KPNA1: variants seen among roughly 807,000 people sequenced by gnomAD.
KPNA1 encodes the protein karyopherin subunit alpha 1.
KPNA1 carries 10 observed loss-of-function variants against 70.5 expected under a neutral mutation model. The ratio of observed to expected loss-of-function variants is 0.14; its 90% confidence interval spans 0.09 to 0.24. The LOEUF is 0.24. Ranked by LOEUF, KPNA1 falls within the 10% of genes least tolerant of loss-of-function variation. The probability of loss-of-function intolerance (pLI) is 1.00; values close to 1 mark genes in which losing one functional copy is unlikely to be tolerated. For synonymous variants in KPNA1, 192 were observed against 221.9 expected (o/e 0.87, Z 1.20); for missense variants, 397 against 637.9 (o/e 0.62, Z 4.07).
intron 1 of KPNA1, among the ~76,000 whole-genome samples, chr3:122,508,894 T>C (rs1287085661): frequency 1.3e-5 from 2 of 152,060 alleles, no homozygotes; most frequent in Non-Finnish European, 2.9e-5. Flanking sequence ...TTTAAAACTA[T>C]CATTAATATC....
intron 2 of KPNA1, among the ~76,000 whole-genome samples, chr3:122,481,748 T>G (rs2076573792): frequency 6.6e-6 from 1 of 152,262 alleles, no homozygotes; most frequent in South Asian, 2.1e-4. Context: ...GACTGTATTG[T>G]AATGTCAGAC....
intron 3 of KPNA1, 196 bp from the exon 4 acceptor site, chr3:122,464,237 T>C (rs1343427562): frequency 9.7e-5 from 38 of 392,478 alleles, no homozygotes; most frequent in Non-Finnish European, 5.4e-5. Flanking sequence ...TTGTCTATCA[T>C]TAAAAAGCTC....
At chr3:122,448,040 T>G (rs1416563806) in intron 9 of KPNA1, among the ~76,000 whole-genome samples, 1 of 152,018 alleles carries the variant, frequency 6.6e-6, no homozygotes, top group Non-Finnish European at 1.5e-5. Context: ...ATCAGAGAAA[T>G]GCAAATCAAA....
intron 2 of KPNA1, among the ~76,000 whole-genome samples, chr3:122,487,324 G>A (rs1481872513): frequency 7.2e-5 from 11 of 152,068 alleles, no homozygotes; most frequent in Non-Finnish European, 1.5e-4. Flanking sequence ...AAAATAAAAC[G>A]TGTACCCACT....
chr3:122,473,752 T>C (rs921348588), intron 2 of KPNA1, among the ~76,000 whole-genome samples: 18 of 152,274 alleles, frequency 1.2e-4, no homozygotes, highest in African/African-American at 4.3e-4. Context: ...AACATCATAC[T>C]TAAATGGTAT....
At chr3:122,450,595 A>G (rs975104666) in intron 8 of KPNA1, among the ~76,000 whole-genome samples, 2 of 152,158 alleles carry the variant, frequency 1.3e-5, no homozygotes, top group African/African-American at 4.8e-5. Flanking sequence ...AAAACCAAAA[A>G]ACAAAAAATA....
At chr3:122,502,658 T>G (rs2076841961) in intron 1 of KPNA1, among the ~76,000 whole-genome samples, 1 of 152,104 alleles carries the variant, frequency 6.6e-6, no homozygotes, top group African/African-American at 2.4e-5. Flanking sequence ...GACTAAAAGG[T>G]GGGTGTAATA....
At chr3:122,509,996 A>G (rs1409253435) in intron 1 of KPNA1, among the ~76,000 whole-genome samples, 1 of 152,208 alleles carries the variant, frequency 6.6e-6, no homozygotes. Flanking sequence ...GGAAGATCAC[A>G]TACAAACAAA....
At chr3:122,510,850 T>C (rs1576355356) in intron 1 of KPNA1, among the ~76,000 whole-genome samples, 1 of 152,220 alleles carries the variant, frequency 6.6e-6, no homozygotes, top group East Asian at 1.9e-4. Context: ...TCCAAAATTT[T>C]ATTTTTTTAA....
intron 1 of KPNA1, among the ~76,000 whole-genome samples, chr3:122,496,860 T>C: frequency 6.6e-6 from 1 of 152,186 alleles, no homozygotes; most frequent in Non-Finnish European, 1.5e-5. Flanking sequence ...CATGCCACCA[T>C]GCCCAGAGAA....
chr3:122,490,487 A>G (rs1311346994), intron 2 of KPNA1, among the ~76,000 whole-genome samples: 1 of 152,254 alleles, frequency 6.6e-6, no homozygotes, highest in African/African-American at 2.4e-5. Context: ...TTTGGCCAGA[A>G]GCAGAAGTCT....
intron 2 of KPNA1, among the ~76,000 whole-genome samples, chr3:122,476,068 A>G (rs868189172): frequency 1.3e-5 from 2 of 152,226 alleles, no homozygotes; most frequent in Non-Finnish European, 2.9e-5. Flanking sequence ...TCAAAACAGC[A>G]AGGTCTTGGC....
rs894620110 is a variant in KPNA1 at position 122,461,137 on chromosome 3, G to T, written c.432+87C>A. The stretch of plus-strand genomic sequence containing the variant: ...ATAAACAAACTTAATTCTTCATACA[G>T]ATAAAAATTAGTAACAAATTTGTGT... On this transcript the variant is annotated intron_variant, in intron 5 of 13. Transcript: ENST00000344337. 7.7e-6 allele frequency: 6 copies of T among 780,956 alleles called. No homozygotes were observed. The African/African-American group carries it at 8.9e-5, about 12-fold the overall frequency. The allele number at this position is 780,956 out of a possible 1,614,324, so 48.4% of individuals were successfully genotyped here. A position where few individuals can be genotyped will look rare whatever the true frequency, so the allele number is the denominator to read the frequency against.
intron 10 of KPNA1, 119 bp downstream of exon 10, chr3:122,441,919 G>T: frequency 1.2e-6 from 1 of 836,176 alleles, no homozygotes; most frequent in African/African-American, 1.7e-5. Context: ...TTAAACATTA[G>T]TGTAACAGAG....
At chr3:122,431,065 TCA>T in intron 12 of KPNA1, among the ~76,000 whole-genome samples, 1 of 152,364 alleles carries the variant, frequency 6.6e-6, no homozygotes, top group East Asian at 1.9e-4. Context: ...TTCTCTAATT[TCA>T]GTTAATAATC....
At chr3:122,458,757 A>C (rs1353125114) in intron 5 of KPNA1, among the ~76,000 whole-genome samples, 1 of 152,294 alleles carries the variant, frequency 6.6e-6, no homozygotes, top group East Asian at 1.9e-4. Flanking sequence ...AGCATGTCTA[A>C]TTATTTGAAA....
At chr3:122,504,277 C>T (rs1023484478) in intron 1 of KPNA1, among the ~76,000 whole-genome samples, 3 of 151,600 alleles carry the variant, frequency 2.0e-5, no homozygotes, top group Middle Eastern at 3.2e-3. Context: ...TGGTGAGGAC[C>T]CACCTCCTGG....
At position 122,451,604 on chromosome 3, in the gene KPNA1, A is replaced by G. The variant is rs1461152078; in HGVS notation, c.683T>C (p.Met228Thr). 9 of 1,613,872 alleles carry G rather than the reference A, an allele frequency of 5.6e-6. No homozygotes were observed. ...QLFSKQNRLT[M>T]TRNAVWALSN... ...CAAAGCCCATACTGCATTCCGGGTC[A>G]TGGTCAGGCGGTTTTGCTTTGAAAA... Residue 228 changes from methionine (M) to threonine (T), a missense_variant, in exon 8 of 14, where the codon ATG (methionine) becomes ACG (threonine). By Grantham distance (81) the Met-to-Thr change is moderately conservative. Transcript: ENST00000344337.
chr3:122,501,859 GT>G (rs1437408245), intron 1 of KPNA1, among the ~76,000 whole-genome samples: 5 of 152,076 alleles, frequency 3.3e-5, no homozygotes, highest in Non-Finnish European at 7.4e-5. Flanking sequence ...GTTTCTGTCA[GT>G]TTTTGCTTCT....
Sources: allele counts gnomAD v4.1 joint callset (sites outside exome capture counted in the v4.1 genomes callset), GRCh38; gene constraint gnomAD v4.1.1; transcripts MANE v1.5; gene names NCBI Gene and HGNC (gene_info 2026-07-23, HGNC 2026-07-21).